Variants in NF1 observed in about 807,000 individuals in gnomAD.
NF1 encodes neurofibromin.
NF1 carries 122 observed loss-of-function variants against 325.7 expected under a neutral mutation model. The ratio of observed to expected loss-of-function variants is 0.37; its 90% confidence interval spans 0.32 to 0.44. NF1 has a LOEUF of 0.44. Ranked by LOEUF, NF1 falls within the 20% of genes least tolerant of loss-of-function variation. The pLI is 1.00. For synonymous variants in NF1, 1,091 were observed against 1,186.0 expected (o/e 0.92, Z 1.65); for missense variants, 2,140 against 3,415.4 (o/e 0.63, Z 9.31).
At position 31,349,163 on chromosome 17, in the gene NF1, A is replaced by C; in HGVS notation, c.7233A>C (p.Arg2411Ser). 1 of 1,611,532 alleles carries C rather than the reference A, an allele frequency of 6.2e-7. No individual in the cohort carries two copies. The highest frequency in any genetic ancestry group is 8.5e-7 in the Non-Finnish European group (1 of 1,178,568). ...PSPAIVARTV[R>S]ILHTLLTLVN... ...CTGCTATTGTTGCAAGAACAGTCAG[A>C]ATTTTACATACACTACTAACTCTGG... Residue 2411 changes from arginine to serine, a missense_variant, in exon 49 of 58, where the codon AGA becomes AGC. Around this residue, in one of 10 missense-constraint regions of NF1, gnomAD observed 522 missense variants for 749.0 expected, o/e 0.70. Coordinates refer to ENST00000358273, the MANE Select transcript of NF1 (RefSeq NM_001042492.3).
chr17:31,333,318 T>C (rs1165012223), intron 39 of NF1, among the ~76,000 whole-genome samples: 1 of 152,226 alleles, frequency 6.6e-6, no homozygotes, highest in Non-Finnish European at 1.5e-5. Flanking sequence ...AAAATGTTTA[T>C]TATAGCATTA....
intron 1 of NF1, among the ~76,000 whole-genome samples, chr17:31,106,473 A>G (rs955619252): frequency 3.9e-5 from 6 of 152,240 alleles, no homozygotes; most frequent in African/African-American, 1.2e-4. Flanking sequence ...TAACTGAGTT[A>G]AACTAGAGTA....
chr17:31,351,029 C>T (rs1055016285), intron 50 of NF1, among the ~76,000 whole-genome samples: 7 of 152,160 alleles, frequency 4.6e-5, no homozygotes, highest in Non-Finnish European at 5.9e-5. Flanking sequence ...TAACAATGTA[C>T]GCAAAAATTT....
intron 4 of NF1, among the ~76,000 whole-genome samples, chr17:31,166,234 C>G (rs2065842542): frequency 6.6e-6 from 1 of 152,118 alleles, no homozygotes; most frequent in South Asian, 2.1e-4. Flanking sequence ...TGGTTCCATA[C>G]AAATCTGTTC....
intron 24 of NF1, 98 bp downstream of exon 24, chr17:31,231,023 C>G: frequency 2.1e-6 from 2 of 951,600 alleles, no homozygotes; most frequent in South Asian, 1.4e-5. Flanking sequence ...TGTATTTAAA[C>G]TTTTGAGATG....
At chr17:31,255,239 A>G (rs2067562891) in intron 31 of NF1, among the ~76,000 whole-genome samples, 2 of 152,166 alleles carry the variant, frequency 1.3e-5, no homozygotes. Flanking sequence ...GTCAGCTTTT[A>G]CCAAGGGAAG....
At chr17:31,187,167 G>C (rs1415359925) in intron 8 of NF1, among the ~76,000 whole-genome samples, 2 of 152,120 alleles carry the variant, frequency 1.3e-5, no homozygotes, top group African/African-American at 2.4e-5. Flanking sequence ...AAAGAAGTGT[G>C]CCAGTGGGCT....
At chr17:31,177,656 A>G (rs774681231) in intron 5 of NF1, among the ~76,000 whole-genome samples, 30 of 152,100 alleles carry the variant, frequency 2.0e-4, no homozygotes, top group Non-Finnish European at 3.4e-4. Flanking sequence ...TAGAATAACC[A>G]TCTTAGAGAA....
intron 49 of NF1, among the ~76,000 whole-genome samples, chr17:31,349,876 A>C (rs988455571): frequency 1.3e-5 from 2 of 152,178 alleles, no homozygotes; most frequent in Non-Finnish European, 2.9e-5. Context: ...TATTTGTTCA[A>C]CTTTTTTGTT....
chr17:31,325,287 C>A (rs1244351350), intron 36 of NF1, among the ~76,000 whole-genome samples: 1 of 152,156 alleles, frequency 6.6e-6, no homozygotes, highest in Admixed American at 6.5e-5. Flanking sequence ...CTAGCAACTC[C>A]TAGGGCTACG....
At chr17:31,318,727 A>AT in intron 36 of NF1, 1 of 1,614,096 alleles carries the variant, frequency 6.2e-7, no homozygotes, top group Non-Finnish European at 8.5e-7. Flanking sequence ...GACAGAAGGT[A>AT]TATAAAGCTC....
chr17:31,105,794 A>G (rs1308243714), intron 1 of NF1, among the ~76,000 whole-genome samples: 1 of 152,182 alleles, frequency 6.6e-6, no homozygotes, highest in East Asian at 1.9e-4. Flanking sequence ...GATTACAGGC[A>G]TGAGCCACCG....
chr17:31,246,633 G>C (rs2067395974), intron 29 of NF1, among the ~76,000 whole-genome samples: 1 of 152,146 alleles, frequency 6.6e-6, no homozygotes, highest in African/African-American at 2.4e-5. Flanking sequence ...AGTTTCATAA[G>C]GGGTGTATTT....
chr17:31,338,741 A>G lies in NF1; in HGVS notation c.6857A>G (p.Asn2286Ser). The G allele has an allele frequency of 1.2e-6, 2 of 1,613,430 alleles. No individual in the cohort carries two copies. The highest frequency in any genetic ancestry group is 2.2e-5 in the East Asian group (1 of 44,752). Residue 2286 changes from asparagine to serine, a missense_variant, in exon 46 of 58, where the codon AAC (asparagine) becomes AGC (serine). Coordinates refer to ENST00000358273, the MANE Select transcript of NF1 (RefSeq NM_001042492.3). Reference sequence around the variant, plus strand: ...TGCTTAAAAGGACCTGACACTTACAACAGTCAAGTTCTGATAGAAGCTACA... The same window carrying G: ...TGCTTAAAAGGACCTGACACTTACAGCAGTCAAGTTCTGATAGAAGCTACA... ...ESCLKGPDTY[N>S]SQVLIEATVI...
At chr17:31,184,212 C>T (rs2066189698) in intron 8 of NF1, among the ~76,000 whole-genome samples, 3 of 152,116 alleles carry the variant, frequency 2.0e-5, no homozygotes, top group South Asian at 4.1e-4. Flanking sequence ...AAAATAAATG[C>T]ATTTGACACT....
At chr17:31,156,677 T>TA (rs1479278762) in intron 2 of NF1, among the ~76,000 whole-genome samples, 1 of 152,230 alleles carries the variant, frequency 6.6e-6, no homozygotes, top group Non-Finnish European at 1.5e-5. Context: ...TTTTCTCAAA[T>TA]ACCAGTTTCA....
intron 36 of NF1, chr17:31,304,804 A>G: frequency 6.2e-7 from 1 of 1,614,020 alleles, no homozygotes; most frequent in Non-Finnish European, 8.5e-7. Flanking sequence ...AAGTGAAATG[A>G]TTGATGTACG....
At chr17:31,154,962 C>A (rs2065633363) in intron 1 of NF1, among the ~76,000 whole-genome samples, 1 of 152,050 alleles carries the variant, frequency 6.6e-6, no homozygotes, top group African/African-American at 2.4e-5. Context: ...TGGTCTCAAT[C>A]TCCTGACCTC....
intron 5 of NF1, among the ~76,000 whole-genome samples, chr17:31,175,345 C>CTTTTTTTTT (rs869113407): frequency 5.6e-5 from 4 of 71,338 alleles, no homozygotes; most frequent in Non-Finnish European, 9.8e-5. Flanking sequence ...TGTGCTTTTG[C>CTTTTTTTTT]TTTTTTTTTT....
Sources: allele counts gnomAD v4.1 joint callset (sites outside exome capture counted in the v4.1 genomes callset), GRCh38; gene constraint gnomAD v4.1.1; regional missense constraint gnomAD v4.1.1; transcripts MANE v1.5; gene names NCBI Gene and HGNC (gene_info 2026-07-23, HGNC 2026-07-21).